Variants in HYCC2 observed in about 807,000 individuals in gnomAD.
The protein encoded by HYCC2 is hyccin PI4KA lipid kinase complex subunit 2, also known as hyccin 2.
chr2:201,054,245 G>C, the HYCC2 span, among the ~76,000 whole-genome samples: 2 of 152,220 alleles, frequency 1.3e-5, no homozygotes, highest in African/African-American at 2.4e-5. Flanking sequence ...ACTGGGAGAG[G>C]ATTCTTGCAA....
the HYCC2 span, chr2:201,064,016 A>T: frequency 1.3e-6 from 2 of 1,595,974 alleles, no homozygotes; most frequent in Admixed American, 3.3e-5. Context: ...CGGTTCCAGC[A>T]GTAGCAGTAG....
chr2:201,011,523 AAAT>A, the HYCC2 span: 2 of 1,010,226 alleles, frequency 2.0e-6, no homozygotes. Flanking sequence ...GATCTACACG[AAAT>A]AATAATTACT....
chr2:200,997,425 G>A, the HYCC2 span: 120 of 1,460,460 alleles, frequency 8.2e-5, no homozygotes, highest in East Asian at 1.6e-3. Flanking sequence ...ATGAAGATTA[G>A]TAATAATCAC....
the HYCC2 span, chr2:200,992,287 T>C: frequency 6.3e-7 from 1 of 1,591,238 alleles, no homozygotes; most frequent in Admixed American, 1.7e-5. Context: ...TTACCAATAG[T>C]GGTTGAGAAA....
the HYCC2 span, among the ~76,000 whole-genome samples, chr2:201,038,167 G>A: frequency 6.6e-6 from 1 of 152,206 alleles, no homozygotes; most frequent in African/African-American, 2.4e-5. Flanking sequence ...GGCCATCAGA[G>A]TAATGCAAAT....
At chr2:200,988,213 G>T in the HYCC2 span, 2 of 1,507,800 alleles carry the variant, frequency 1.3e-6, no homozygotes, top group Non-Finnish European at 1.8e-6. Context: ...TAAAAACAGT[G>T]ATAAATTTAC....
chr2:201,006,672 A>C, the HYCC2 span, among the ~76,000 whole-genome samples: 1 of 152,140 alleles, frequency 6.6e-6, no homozygotes, highest in African/African-American at 2.4e-5. Context: ...ATGATGATGA[A>C]CTGGGATAAT....
chr2:201,060,811 T>C, the HYCC2 span, among the ~76,000 whole-genome samples: 1 of 152,192 alleles, frequency 6.6e-6, no homozygotes, highest in African/African-American at 2.4e-5. Context: ...TTAATGTTCA[T>C]AAAGTATAAG....
the HYCC2 span, among the ~76,000 whole-genome samples, chr2:201,001,534 C>A: frequency 6.6e-6 from 1 of 152,074 alleles, no homozygotes; most frequent in African/African-American, 2.4e-5. Context: ...TACATTCTAC[C>A]ACAGAAACAA....
chr2:201,056,457 C>T, the HYCC2 span, among the ~76,000 whole-genome samples: 3 of 152,024 alleles, frequency 2.0e-5, no homozygotes, highest in African/African-American at 7.2e-5. Context: ...GACGGATCAC[C>T]TGAGGTTGGG....
the HYCC2 span, among the ~76,000 whole-genome samples, chr2:201,034,909 T>A: frequency 6.6e-6 from 1 of 152,170 alleles, no homozygotes; most frequent in East Asian, 1.9e-4. Context: ...TTCTTTTCTT[T>A]AAGAATGTTG....
chr2:201,049,187 G>T, the HYCC2 span, among the ~76,000 whole-genome samples: 3 of 149,272 alleles, frequency 2.0e-5, no homozygotes, highest in South Asian at 2.1e-4. Flanking sequence ...AGGAGAAAAA[G>T]ATAAAGCCAT....
the HYCC2 span, among the ~76,000 whole-genome samples, chr2:201,053,025 T>C: frequency 6.6e-6 from 1 of 152,116 alleles, no homozygotes; most frequent in Non-Finnish European, 1.5e-5. Flanking sequence ...ACCAATTCCA[T>C]TGAGGATGGG....
chr2:201,032,523 C>T, the HYCC2 span, among the ~76,000 whole-genome samples: 1 of 152,064 alleles, frequency 6.6e-6, no homozygotes, highest in Admixed American at 6.6e-5. Context: ...TTTCATATGT[C>T]TTAGTATAAA....
the HYCC2 span, among the ~76,000 whole-genome samples, chr2:201,014,620 G>C: frequency 2.0e-5 from 3 of 152,294 alleles, no homozygotes; most frequent in Admixed American, 2.0e-4. Context: ...CTGAATGCAA[G>C]TCATTCTAAA....
At chr2:200,988,243 A>G in the HYCC2 span, 1 of 1,590,324 alleles carries the variant, frequency 6.3e-7, no homozygotes, top group Non-Finnish European at 8.6e-7. Flanking sequence ...TGTGTGGACT[A>G]TGGGGATTTT....
At chr2:201,011,016 G>T in the HYCC2 span, among the ~76,000 whole-genome samples, 162 of 151,994 alleles carry the variant, frequency 1.1e-3, 1 homozygote, top group African/African-American at 3.6e-3. Context: ...ATGGTGGCAC[G>T]TGTCTATAGT....
At chr2:201,051,690 C>T in the HYCC2 span, among the ~76,000 whole-genome samples, 19 of 152,000 alleles carry the variant, frequency 1.3e-4, no homozygotes, top group Non-Finnish European at 2.5e-4. Context: ...GTAAATAAAG[C>T]GGAGGATATA....
chr2:201,010,329 G>A, the HYCC2 span, among the ~76,000 whole-genome samples: 3 of 152,124 alleles, frequency 2.0e-5, no homozygotes, highest in Non-Finnish European at 4.4e-5. Context: ...CTATGAGATG[G>A]TCAGGATACT....
Sources: gnomAD v4.1 joint callset for allele counts (sites outside exome capture counted in the v4.1 genomes callset) on GRCh38, gnomAD v4.1.1 for gene constraint, MANE v1.5 for transcripts, NCBI Gene and HGNC (gene_info 2026-07-23, HGNC 2026-07-21) for gene names.